The following RAB5A variants were observed in gnomAD, a reference collection of about 807,000 sequenced individuals.
RAB5A encodes ras-related protein Rab-5A.
Under a neutral mutation model 25.7 loss-of-function variants are expected in RAB5A, and 8 were observed. The observed-to-expected ratio is 0.31, with a 90% CI of 0.18 to 0.56. The LOEUF (loss-of-function observed/expected upper bound fraction) is 0.56, where lower values mean the gene tolerates loss of function less well. Among genes scored for constraint, RAB5A ranks in the 20% least tolerant of loss-of-function variants. The probability of loss-of-function intolerance (pLI) is 0.91; values close to 1 mark genes in which losing one functional copy is unlikely to be tolerated. For synonymous variants in RAB5A, 98 were observed against 89.8 expected, an observed-to-expected ratio of 1.09 and a Z score of -0.52; for missense variants, 192 against 259.7, an observed-to-expected ratio of 0.74 and a Z score of 1.79.
At chr3:19,977,296 G>C (rs559567161) in intron 4 of RAB5A, among the ~76,000 whole-genome samples, 50 of 152,022 alleles carry the variant, frequency 3.3e-4, no homozygotes, top group Admixed American at 6.6e-5. Context: ...GGGTGGTCTC[G>C]ATCTCCTGAC....
chr3:19,968,262 G>GT, intron 2 of RAB5A, among the ~76,000 whole-genome samples: 1 of 150,462 alleles, frequency 6.6e-6, no homozygotes, highest in Non-Finnish European at 1.5e-5. Context: ...CATTGGGATT[G>GT]TTTTTTTAAA....
In RAB5A at chr3:19,983,481, C is replaced by T. The variant is rs371238526; in HGVS notation, c.533-227C>T. Among the ~76,000 whole-genome samples the T allele has an allele frequency of 9.9e-5, 15 of 152,128 alleles. No individual in the cohort carries two copies. The East Asian group carries it at 2.7e-3, about 27-fold the overall frequency. On this transcript the variant is annotated intron_variant, in intron 5 of 5. Coordinates refer to ENST00000273047, the MANE Select transcript of RAB5A (RefSeq NM_004162.5). ...AGTTTTAATTGTATCTACAACCAGT[C>T]CCCATCTACCGTTCCCCCAACACAA...
chr3:19,975,957 T>C, intron 3 of RAB5A, 90 bp from the exon 4 acceptor site: 1 of 1,489,684 alleles, frequency 6.7e-7, no homozygotes, highest in Non-Finnish European at 9.0e-7. Flanking sequence ...CCACAGTCAC[T>C]TGGGACAGTC....
chr3:19,951,702 T>TTTTTTTC (rs1553638055), intron 2 of RAB5A, among the ~76,000 whole-genome samples: 8,760 of 57,370 alleles, frequency 0.15, 517 homozygotes, highest in Non-Finnish European at 0.2. Context: ...GCCAGGCAAG[T>TTTTTTTC]TTTTTTTTTT....
chr3:19,957,297 A>G (rs954826984), intron 2 of RAB5A, among the ~76,000 whole-genome samples: 1 of 152,108 alleles, frequency 6.6e-6, no homozygotes, highest in African/African-American at 2.4e-5. Flanking sequence ...ACGTGTGCAT[A>G]TATTAAAGTT....
chr3:19,975,558 T>G lies in RAB5A; in HGVS notation c.164-43T>G, dbSNP rs70937042. 8.2e-6 allele frequency: 13 copies of G among 1,588,870 alleles called. No homozygotes were observed. The East Asian group carries it at 2.9e-4, about 36-fold the overall frequency. Reference sequence around the variant, plus strand: ...AGGTGTTTTCTATATTATGAAAACATTTGGAGAAAAATGATTGACTTATTG... The same window carrying G: ...AGGTGTTTTCTATATTATGAAAACAGTTGGAGAAAAATGATTGACTTATTG... On this transcript the variant is annotated intron_variant, in intron 2 of 5. Coordinates refer to ENST00000273047, the MANE Select transcript of RAB5A (RefSeq NM_004162.5).
intron 2 of RAB5A, among the ~76,000 whole-genome samples, chr3:19,968,130 T>C (rs547612400): frequency 6.6e-6 from 1 of 152,362 alleles, no homozygotes; most frequent in Non-Finnish European, 1.5e-5. Context: ...AGCCTCATTC[T>C]ATTTCTGAAA....
At chr3:19,973,319 C>G (rs1696778028) in intron 2 of RAB5A, among the ~76,000 whole-genome samples, 1 of 151,116 alleles carries the variant, frequency 6.6e-6, no homozygotes, top group South Asian at 2.1e-4. Context: ...GTTTTTAGTA[C>G]TAGTAGACTT....
At chr3:19,961,028 T>C (rs1696577486) in intron 2 of RAB5A, among the ~76,000 whole-genome samples, 1 of 152,242 alleles carries the variant, frequency 6.6e-6, no homozygotes, top group Non-Finnish European at 1.5e-5. Flanking sequence ...ACTATCGTTT[T>C]TATTTGAGGT....
intron 2 of RAB5A, among the ~76,000 whole-genome samples, chr3:19,956,346 C>G (rs1696501820): frequency 6.6e-6 from 1 of 152,020 alleles, no homozygotes; most frequent in Non-Finnish European, 1.5e-5. Context: ...CCCAGCTACT[C>G]AGGATGCTGA....
chr3:19,962,038 A>G (rs1415253029), intron 2 of RAB5A, among the ~76,000 whole-genome samples: 1 of 152,166 alleles, frequency 6.6e-6, no homozygotes, highest in Non-Finnish European at 1.5e-5. Context: ...ACGGGGCAAG[A>G]ATCATCTCAA....
At chr3:19,977,092 G>C (rs1434035421) in intron 4 of RAB5A, among the ~76,000 whole-genome samples, 2 of 144,694 alleles carry the variant, frequency 1.4e-5, no homozygotes, top group Non-Finnish European at 3.0e-5. Context: ...TTTTTTTTAA[G>C]ATGGAGTCTT....
intron 4 of RAB5A, among the ~76,000 whole-genome samples, chr3:19,976,846 A>G (rs1217217894): frequency 6.6e-6 from 1 of 152,204 alleles, no homozygotes; most frequent in African/African-American, 2.4e-5. Context: ...ACATATGTAC[A>G]TACGCAAACA....
chr3:19,959,236 CT>C (rs1696549338), intron 2 of RAB5A, among the ~76,000 whole-genome samples: 3 of 151,994 alleles, frequency 2.0e-5, no homozygotes, highest in African/African-American at 7.2e-5. Context: ...ATTAGGTTGT[CT>C]AAAGCAAATC....
At chr3:19,970,660 T>C (rs988356616) in intron 2 of RAB5A, 4 of 450,324 alleles carry the variant, frequency 8.9e-6, no homozygotes, top group Middle Eastern at 3.3e-4. Flanking sequence ...CTAAGAGTGA[T>C]GGTTCTTAGC....
At chr3:19,949,910 C>T (rs755592213) in intron 1 of RAB5A, among the ~76,000 whole-genome samples, 40 of 152,052 alleles carry the variant, frequency 2.6e-4, no homozygotes, top group African/African-American at 8.9e-4. Flanking sequence ...TGGTTCTGAG[C>T]GCCTGTAGTC....
At chr3:19,974,812 A>G (rs1416260543) in intron 2 of RAB5A, among the ~76,000 whole-genome samples, 1 of 152,218 alleles carries the variant, frequency 6.6e-6, no homozygotes, top group African/African-American at 2.4e-5. Context: ...AATAAAAACT[A>G]GTAAAATGGA....
At chr3:19,976,241 A>G in intron 4 of RAB5A, 72 bp downstream of exon 4, 1 of 1,494,124 alleles carries the variant, frequency 6.7e-7, no homozygotes, top group Non-Finnish European at 9.1e-7. Context: ...CAACACTTGA[A>G]TTAGTTATAA....
intron 2 of RAB5A, among the ~76,000 whole-genome samples, chr3:19,955,116 CATTT>C (rs1486468218): frequency 2.0e-5 from 3 of 152,132 alleles, no homozygotes; most frequent in African/African-American, 4.8e-5. Context: ...TTTAAGAAGA[CATTT>C]ATGTGATATT....
Sources: allele counts gnomAD v4.1 joint callset (sites outside exome capture counted in the v4.1 genomes callset), GRCh38; gene constraint gnomAD v4.1.1; transcripts MANE v1.5; gene names NCBI Gene and HGNC (gene_info 2026-07-23, HGNC 2026-07-21).